Variants in MACROD2 observed in about 807,000 individuals in gnomAD.
MACROD2 encodes the protein ADP-ribose glycohydrolase MACROD2.
A neutral mutation model predicts 70.4 loss-of-function variants in MACROD2; 36 were observed. The observed-to-expected ratio is 0.51, with a 90% confidence interval of 0.39 to 0.68. The LOEUF (loss-of-function observed/expected upper bound fraction) is 0.68, where lower values mean the gene tolerates loss of function less well. Among genes scored for constraint, MACROD2 ranks in the 30% least tolerant of loss-of-function variants. The pLI is 0.00. For missense variants in MACROD2, 496 were observed against 538.4 expected, an observed-to-expected ratio of 0.92 and a Z score of 0.78; for synonymous variants, 172 against 178.8, an observed-to-expected ratio of 0.96 and a Z score of 0.30.
intron 8 of MACROD2, among the ~76,000 whole-genome samples, chr20:15,760,141 G>C (rs2051413720): frequency 1.3e-5 from 2 of 152,122 alleles, no homozygotes; most frequent in Admixed American, 1.3e-4. Context: ...ATCAAAAAAG[G>C]ACCTCAGGGT....
At chr20:15,112,765 T>G (rs442658) in intron 5 of MACROD2, among the ~76,000 whole-genome samples, 68,814 of 151,990 alleles carry the variant, frequency 0.45, 16,651 homozygotes, top group Non-Finnish European at 0.54. Flanking sequence ...AAACTAAAAT[T>G]CTGTACTCAT....
intron 5 of MACROD2, among the ~76,000 whole-genome samples, chr20:15,122,700 A>G (rs7269321): frequency 0.034 from 5,186 of 152,200 alleles, 141 homozygotes; most frequent in South Asian, 0.11. Context: ...CATGTCTCTC[A>G]TTACTTCTCT....
At chr20:15,473,859 C>CA (rs1246405166) in intron 7 of MACROD2, among the ~76,000 whole-genome samples, 1 of 152,182 alleles carries the variant, frequency 6.6e-6, no homozygotes, top group Non-Finnish European at 1.5e-5. Context: ...GCACACTCCT[C>CA]AAAGTGTCCG....
intron 8 of MACROD2, among the ~76,000 whole-genome samples, chr20:15,772,100 A>AT (rs1238175023): frequency 1.3e-4 from 12 of 89,682 alleles, no homozygotes; most frequent in South Asian, 4.2e-4. Flanking sequence ...AAAAAAAAAA[A>AT]AATATATATA....
chr20:15,823,181 T>C (rs753544593), intron 8 of MACROD2, among the ~76,000 whole-genome samples: 7 of 152,048 alleles, frequency 4.6e-5, no homozygotes, highest in Non-Finnish European at 7.4e-5. Context: ...AACTATAAAA[T>C]AGCTTTAACG....
intron 5 of MACROD2, among the ~76,000 whole-genome samples, chr20:14,747,840 A>G (rs561722240): frequency 9.2e-5 from 14 of 151,874 alleles, no homozygotes; most frequent in Non-Finnish European, 1.8e-4. Context: ...AACTTCTAGA[A>G]GAAGGGATGT....
intron 5 of MACROD2, among the ~76,000 whole-genome samples, chr20:15,025,588 C>T (rs972986846): frequency 1.4e-4 from 22 of 152,158 alleles, no homozygotes; most frequent in African/African-American, 5.3e-4. Flanking sequence ...ACTATCATTT[C>T]TGATAGTTTT....
intron 2 of MACROD2, among the ~76,000 whole-genome samples, chr20:14,015,645 C>T (rs772350369): frequency 6.6e-6 from 1 of 152,176 alleles, no homozygotes; most frequent in Non-Finnish European, 1.5e-5. Flanking sequence ...ATACAGTCTT[C>T]CTTCTCACCT....
chr20:14,725,031 G>A (rs1372022608), intron 5 of MACROD2, among the ~76,000 whole-genome samples: 2 of 152,158 alleles, frequency 1.3e-5, no homozygotes, highest in East Asian at 3.9e-4. Context: ...TAGTTTCAGA[G>A]TATGTTTTGG....
chr20:15,094,072 A>G (rs2075811461), intron 5 of MACROD2, among the ~76,000 whole-genome samples: 1 of 152,194 alleles, frequency 6.6e-6, no homozygotes, highest in Non-Finnish European at 1.5e-5. Context: ...GTATATGTCA[A>G]AATGAATTCA....
intron 3 of MACROD2, among the ~76,000 whole-genome samples, chr20:14,171,302 TA>T (rs1276902704): frequency 5.3e-5 from 8 of 152,178 alleles, no homozygotes; most frequent in Non-Finnish European, 4.4e-5. Flanking sequence ...CTTTTTGTTT[TA>T]TTTATCTTTT....
chr20:14,410,655 C>T (rs1600212362), intron 3 of MACROD2, among the ~76,000 whole-genome samples: 1 of 152,246 alleles, frequency 6.6e-6, no homozygotes, highest in South Asian at 2.1e-4. Context: ...TTTTGAGTAG[C>T]AAGGCCCTGT....
intron 5 of MACROD2, among the ~76,000 whole-genome samples, chr20:14,975,667 C>T (rs1293564399): frequency 6.6e-6 from 1 of 151,956 alleles, no homozygotes; most frequent in Admixed American, 6.6e-5. Flanking sequence ...CAGCATTCGA[C>T]TCTCACGACC....
At chr20:15,460,712 G>A (rs1315856330) in intron 7 of MACROD2, among the ~76,000 whole-genome samples, 1 of 151,906 alleles carries the variant, frequency 6.6e-6, no homozygotes, top group Admixed American at 6.6e-5. Flanking sequence ...TAAAATAACT[G>A]TGGTGGTTTC....
intron 3 of MACROD2, among the ~76,000 whole-genome samples, chr20:14,434,153 T>A (rs2084028615): frequency 6.6e-6 from 1 of 152,200 alleles, no homozygotes; most frequent in Admixed American, 6.6e-5. Context: ...CTGAAAGATA[T>A]GAAACTTCTA....
intron 5 of MACROD2, among the ~76,000 whole-genome samples, chr20:14,857,052 T>A (rs961660582): frequency 6.6e-6 from 1 of 152,150 alleles, no homozygotes; most frequent in African/African-American, 2.4e-5. Flanking sequence ...TAGCTAGGTT[T>A]ATCTTTCCAA....
intron 8 of MACROD2, among the ~76,000 whole-genome samples, chr20:15,744,299 T>C (rs1258965858): frequency 1.3e-5 from 2 of 152,094 alleles, no homozygotes; most frequent in Admixed American, 1.3e-4. Context: ...ATTAATAACA[T>C]AAAATCATTT....
chr20:14,126,669 A>G (rs2054654663), intron 3 of MACROD2, among the ~76,000 whole-genome samples: 2 of 152,158 alleles, frequency 1.3e-5, no homozygotes, highest in African/African-American at 4.8e-5. Flanking sequence ...AAAATTTAAA[A>G]CATTTTCAAT....
intron 9 of MACROD2, among the ~76,000 whole-genome samples, chr20:15,880,613 A>T (rs6080007): frequency 0.16 from 24,870 of 151,894 alleles, 2,158 homozygotes; most frequent in South Asian, 0.29. Context: ...AGTACAGAAC[A>T]TGCTTTGAAT....
Sources: allele counts gnomAD v4.1 joint callset (sites outside exome capture counted in the v4.1 genomes callset), GRCh38; gene constraint gnomAD v4.1.1; transcripts MANE v1.5; gene names NCBI Gene and HGNC (gene_info 2026-07-23, HGNC 2026-07-21).